The following UTP6 variants were observed in gnomAD, a reference collection of about 807,000 sequenced individuals.
UTP6 encodes the protein UTP6 small subunit processome component.
UTP6 carries 60 observed loss-of-function variants against 96.5 expected under a neutral mutation model. The observed-to-expected ratio is 0.62, with a 90% CI of 0.51 to 0.77. UTP6 has a LOEUF of 0.77. Ranked by LOEUF, UTP6 falls within the 30% of genes least tolerant of loss-of-function variation. The probability of loss-of-function intolerance (pLI) is 0.00; values close to 1 mark genes in which losing one functional copy is unlikely to be tolerated. For synonymous variants in UTP6, 215 were observed against 240.1 expected, an observed-to-expected ratio of 0.90 and a Z score of 0.96; for missense variants, 637 against 706.5, an observed-to-expected ratio of 0.90 and a Z score of 1.12.
chr17:31,887,318 A>C lies in UTP6; in HGVS notation c.544-5T>G. ...CATCAGCTCCATCCTAAAGTACTAC[A>C]GAAGAGAAATAAACTGAAAATCTTT... On this transcript the variant is annotated splice_polypyrimidine_tract_variant and splice_region_variant and intron_variant, in intron 7 of 18. Coordinates refer to ENST00000261708, the MANE Select transcript of UTP6 (RefSeq NM_018428.3). The C allele has an allele frequency of 1.9e-6, 3 of 1,613,156 alleles. No individual in the cohort carries two copies. The highest frequency in any genetic ancestry group is 2.5e-6 in the Non-Finnish European group (3 of 1,179,460).
intron 2 of UTP6, among the ~76,000 whole-genome samples, chr17:31,898,371 C>A (rs1904778075): frequency 1.3e-5 from 2 of 151,910 alleles, no homozygotes; most frequent in Admixed American, 1.3e-4. Flanking sequence ...GCTGTCTCTA[C>A]AAAAATTAGC....
At chr17:31,873,297 T>C in intron 16 of UTP6, 81 bp downstream of exon 16, 2 of 1,304,178 alleles carry the variant, frequency 1.5e-6, no homozygotes, top group Non-Finnish European at 2.2e-6. Flanking sequence ...TCAGATGCTA[T>C]CTGTGATTCA....
rs1194074762 is a variant in UTP6, at chr17:31,875,300, C to T, written c.1239G>A (p.Leu413=). ...CTATGTCAGGGCTCTTTGACTCGAT[C>T]AGCACCTGCAGCTTCAGCTGCCACA... ...GTMWQLKLQV[L]IESKSPDIAM... Residue 413 remains leucine (L), a synonymous_variant, in exon 14 of 19, where the codon CTG becomes CTA. Transcript: ENST00000261708. 6.2e-7 allele frequency: 1 copy of T among 1,614,204 alleles called. No individual in the cohort carries two copies. Among genetic ancestry groups the T allele is most frequent in the Admixed American group, 1.7e-5 (1 of 60,018 alleles).
At chr17:31,892,115 C>A in intron 6 of UTP6, 145 bp downstream of exon 6, 1 of 727,148 alleles carries the variant, frequency 1.4e-6, no homozygotes, top group Non-Finnish European at 2.3e-6. Context: ...TATGAGGCAG[C>A]TATTCAGTAA....
At chr17:31,891,392 T>C (rs1236003945) in intron 6 of UTP6, among the ~76,000 whole-genome samples, 1 of 152,232 alleles carries the variant, frequency 6.6e-6, no homozygotes, top group Non-Finnish European at 1.5e-5. Context: ...AAGAGCATTC[T>C]GCAGAAGGAA....
chr17:31,878,257 T>G lies in UTP6; in HGVS notation c.1118A>C (p.Lys373Thr). The change falls in exon 13 of 19, where the codon AAG (lysine) becomes ACG (threonine). Residue 373 changes from lysine to threonine, a missense_variant. Physicochemically the swap from Lys to Thr is moderately conservative, Grantham distance 78 (BLOSUM62 -1). Coordinates refer to ENST00000261708, the MANE Select transcript of UTP6 (RefSeq NM_018428.3). The stretch of plus-strand genomic sequence containing the variant: ...TTTTCTCTATGTTCTTACCAACTGC[T>G]TGTATTGGCATTCTGACAGAAGCTT... Reference protein sequence around the residue: ...ELKLLSECQYKQLSVSLLCYN... With the variant: ...ELKLLSECQYTQLSVSLLCYN... The G allele has an allele frequency of 1.9e-6, 3 of 1,614,154 alleles. No individual in the cohort carries two copies. Among genetic ancestry groups the G allele is most frequent in the Non-Finnish European group, 2.5e-6 (3 of 1,179,996 alleles).
intron 17 of UTP6, 139 bp downstream of exon 17, chr17:31,867,907 A>C: frequency 1.5e-6 from 1 of 666,484 alleles, no homozygotes; most frequent in East Asian, 3.9e-5. Context: ...CAGTGAGCCA[A>C]GATCACGCCA....
At chr17:31,893,708 C>A (rs1207602573) in intron 4 of UTP6, among the ~76,000 whole-genome samples, 1 of 118,226 alleles carries the variant, frequency 8.5e-6, no homozygotes. Context: ...CTAGCCTGGG[C>A]AACAGAGCAA....
At chr17:31,868,325 G>GTTTTTTTTTTTT (rs33960994) in intron 16 of UTP6, among the ~76,000 whole-genome samples, 4 of 90,502 alleles carry the variant, frequency 4.4e-5, no homozygotes, top group African/African-American at 4.2e-5. Flanking sequence ...TAGTTTTTTG[G>GTTTTTTTTTTTT]TTTTTTTTTT....
intron 8 of UTP6, 117 bp from the exon 9 acceptor site, chr17:31,886,178 C>CT: frequency 1.3e-6 from 1 of 776,514 alleles, no homozygotes; most frequent in East Asian, 2.6e-5. Flanking sequence ...AATCATGTCT[C>CT]TCTCTCCGGG....
At chr17:31,884,535 T>C in intron 9 of UTP6, 30 bp from the exon 10 acceptor site, 12 of 1,511,072 alleles carry the variant, frequency 7.9e-6, no homozygotes, top group South Asian at 1.2e-5. Context: ...GAGGGGAAGT[T>C]TATTGCCAAT....
At chr17:31,886,201 C>T (rs1393884021) in intron 8 of UTP6, 140 bp from the exon 9 acceptor site, 4 of 645,980 alleles carry the variant, frequency 6.2e-6, no homozygotes, top group South Asian at 5.8e-5. Flanking sequence ...AGTTCCCTCA[C>T]TTGTAAAGTG....
intron 2 of UTP6, among the ~76,000 whole-genome samples, chr17:31,898,116 G>A (rs1273979318): frequency 3.9e-5 from 6 of 152,150 alleles, no homozygotes; most frequent in Non-Finnish European, 8.8e-5. Context: ...GAGAGAAAGA[G>A]GAGGGGAAAA....
intron 16 of UTP6, among the ~76,000 whole-genome samples, chr17:31,870,036 T>C (rs1229138809): frequency 1.3e-5 from 2 of 152,212 alleles, no homozygotes; most frequent in African/African-American, 2.4e-5. Flanking sequence ...TAGTATTCCA[T>C]AGAGTATATT....
At chr17:31,880,308 C>T (rs1219119987) in intron 11 of UTP6, 2 of 400,816 alleles carry the variant, frequency 5.0e-6, no homozygotes, top group Admixed American at 7.2e-5. Context: ...GTAGTCCCAG[C>T]TATTTGGGAG....
At chr17:31,865,584 G>A (rs1008876588) in intron 17 of UTP6, 146 bp from the exon 18 acceptor site, 3 of 736,956 alleles carry the variant, frequency 4.1e-6, no homozygotes, top group East Asian at 5.8e-5. Flanking sequence ...AACTTTTCTA[G>A]GAAAAAAATC....
In UTP6 at chr17:31,878,450, T is replaced by C. The variant is rs1910626145; in HGVS notation, c.1048-123A>G. 6 of 983,490 alleles carry C rather than the reference T, an allele frequency of 6.1e-6. No homozygotes were observed. The South Asian group carries it at 8.8e-5, about 14-fold the overall frequency. The allele number at this position is 983,490 out of a possible 1,614,324, so 60.9% of individuals were successfully genotyped here. A position where few individuals can be genotyped will look rare whatever the true frequency, so the allele number is the denominator to read the frequency against. ...TCAAAGAAGCTGACTTGCTCCTGCATGGTGGTTTCACTTATGAATAGATGC... is the reference window on the plus strand; with the variant it reads ...TCAAAGAAGCTGACTTGCTCCTGCACGGTGGTTTCACTTATGAATAGATGC... On this transcript the variant is annotated intron_variant, in intron 12 of 18. Transcript: ENST00000261708.
chr17:31,891,780 T>C (rs1161451045), intron 6 of UTP6, among the ~76,000 whole-genome samples: 4 of 152,300 alleles, frequency 2.6e-5, no homozygotes, highest in East Asian at 1.9e-4. Flanking sequence ...CCCAGCACTT[T>C]GGAAGGCCAA....
At position 31,873,470 on chromosome 17, in the gene UTP6, G is replaced by T; in HGVS notation, c.1404C>A (p.Val468=). 1 of 1,614,080 alleles carries T rather than the reference G, an allele frequency of 6.2e-7. No homozygotes were observed. The highest frequency in any genetic ancestry group is 1.1e-5 in the South Asian group (1 of 91,068). ...TCAGGGTTACTGAGTCGGCACCTAT[G>T]ACAGCTAAGAGAGCTTTCTACAATT... The part of the protein sequence containing the change: ...EAVFKKALLA[V]IGADSVTLKN... Residue 468 remains valine, a synonymous_variant, in exon 16 of 19, where the codon GTC becomes GTA. Transcript: ENST00000261708.
Sources: gnomAD v4.1 joint callset for allele counts (sites outside exome capture counted in the v4.1 genomes callset) on GRCh38, gnomAD v4.1.1 for gene constraint, MANE v1.5 for transcripts, NCBI Gene and HGNC (gene_info 2026-07-23, HGNC 2026-07-21) for gene names.